Variants in EML6 observed in about 807,000 individuals in gnomAD.
EML6 encodes the protein EMAP like 6.
EML6 carries 154 observed loss-of-function variants against 240.1 expected under a neutral mutation model. The ratio of observed to expected loss-of-function variants is 0.64; its 90% CI spans 0.56 to 0.73. The LOEUF is 0.73. Ranked by LOEUF, EML6 falls within the 30% of genes least tolerant of loss-of-function variation. The pLI, the probability that EML6 is intolerant of heterozygous loss-of-function variation, is 0.00. For synonymous variants in EML6, 1,148 were observed against 899.0 expected (o/e 1.28, Z -4.95); for missense variants, 2,964 against 2,474.6 (o/e 1.20, Z -4.20).
At chr2:54,909,431 G>C (rs1328586028) in intron 24 of EML6, among the ~76,000 whole-genome samples, 1 of 152,110 alleles carries the variant, frequency 6.6e-6, no homozygotes, top group Non-Finnish European at 1.5e-5. Flanking sequence ...TCAAGTCAAG[G>C]AAAAATCCCC....
chr2:54,743,862 C>T (rs762607444), intron 2 of EML6, among the ~76,000 whole-genome samples: 17 of 152,074 alleles, frequency 1.1e-4, no homozygotes, highest in Non-Finnish European at 1.9e-4. Context: ...TCTTACTATA[C>T]TCCCCCAAAT....
chr2:54,803,247 T>G (rs967719955), intron 2 of EML6, among the ~76,000 whole-genome samples: 1 of 152,180 alleles, frequency 6.6e-6, no homozygotes, highest in African/African-American at 2.4e-5. Context: ...GAAGTGCCCT[T>G]GGAAGCAAGT....
rs1671138246 is a variant in EML6 at position 54,869,375 on chromosome 2, T to TC, written c.2238+9dup. Reference sequence around the variant, plus strand: ...TATGTGGCTACTGGGCAGGTATCTATCTCCTGTAAACTAGGGCCTAGCCAA... The same window carrying TC: ...TATGTGGCTACTGGGCAGGTATCTATCCTCCTGTAAACTAGGGCCTAGCCAA... On this transcript the variant is annotated intron_variant, in intron 15 of 41. Transcript: ENST00000356458. 2 of 1,540,904 alleles carry TC rather than the reference T, an allele frequency of 1.3e-6. No individual in the cohort carries two copies. The highest frequency in any genetic ancestry group is 4.9e-5 in the East Asian group (2 of 40,676).
At chr2:54,782,092 T>C (rs1464626450) in intron 2 of EML6, among the ~76,000 whole-genome samples, 2 of 152,244 alleles carry the variant, frequency 1.3e-5, no homozygotes, top group African/African-American at 4.8e-5. Flanking sequence ...CTGTATTGTA[T>C]TGAAACTAGG....
In EML6 at chr2:54,960,102, C is replaced by G. The variant is rs1388363582; in HGVS notation, c.4854-118C>G. 5.3e-6 allele frequency: 4 copies of G among 747,982 alleles called. No homozygotes were observed. In the East Asian group the frequency reaches 1.1e-4, roughly 20 times the overall value. The allele number at this position is 747,982 out of a possible 1,614,324, so 46.3% of individuals were successfully genotyped here. On this transcript the variant is annotated intron_variant, in intron 34 of 41. Transcript: ENST00000356458. ...AGGGTCTGGACCCTGGAGGGTCTTT[C>G]CTTCTGGGCCCCAACTGGCCAGAAC...
chr2:54,852,557 T>G (rs71413277), intron 10 of EML6, among the ~76,000 whole-genome samples: 7,324 of 152,286 alleles, frequency 0.048, 310 homozygotes, highest in East Asian at 0.23. Flanking sequence ...AATGCCCCTG[T>G]ACTGGTGGAA....
At chr2:54,745,627 T>A (rs1683878098) in intron 2 of EML6, among the ~76,000 whole-genome samples, 1 of 151,770 alleles carries the variant, frequency 6.6e-6, no homozygotes, top group Non-Finnish European at 1.5e-5. Flanking sequence ...AAAATAAAAA[T>A]AAAATTAGCC....
Position 54,853,848 on chromosome 2 carries a change from CAA to C in EML6, c.1651_1652del (p.Lys551GlufsTer6). The part of the protein sequence containing the change: ...LVKLFKFPCL[K>X]RGAKFRKYVG... ...TTAAATTGTTTAAATTTCCTTGTCT[CAA>C]GAGAGGTAAGGCCAAAAGAGATGTT... is the stretch of plus-strand genomic sequence containing the variant. On this transcript the variant is annotated frameshift_variant, in exon 11 of 42. Transcript: ENST00000356458. LOFTEE classifies it high-confidence loss of function. The C allele has an allele frequency of 6.5e-7, 1 of 1,549,886 alleles. No homozygotes were observed. Among genetic ancestry groups the C allele is most frequent in the Non-Finnish European group, 8.7e-7 (1 of 1,145,566 alleles).
intron 28 of EML6, among the ~76,000 whole-genome samples, chr2:54,939,201 T>G (rs1307987179): frequency 1.3e-5 from 2 of 152,248 alleles, no homozygotes; most frequent in African/African-American, 2.4e-5. Context: ...AGGAAATCTC[T>G]GCTTCTAAGC....
chr2:54,960,221 A>G lies in EML6; in HGVS notation c.4855A>G (p.Thr1619Ala). The G allele has an allele frequency of 6.5e-7, 1 of 1,550,090 alleles. No homozygotes were observed. The highest frequency in any genetic ancestry group is 2.4e-5 in the East Asian group (1 of 40,902). ...TGAGTCCCTTTCAATCTTTTTTAGG[A>G]CCAAAGAAGGAGGTGCTGTAAAATT... ...LIVTGGKERP[T>A]KEGGAVKLWD... The change falls in exon 35 of 42, where the codon ACC becomes GCC. Residue 1619 changes from threonine (T) to alanine (A), a missense_variant and splice_region_variant. By Grantham distance (58) the Thr-to-Ala change is moderately conservative. Transcript: ENST00000356458.
chr2:54,850,360 G>C, intron 10 of EML6, 142 bp downstream of exon 10: 2 of 662,876 alleles, frequency 3.0e-6, no homozygotes, highest in Non-Finnish European at 5.1e-6. Flanking sequence ...CCCACCTCAG[G>C]GCAAGGAATG....
intron 5 of EML6, among the ~76,000 whole-genome samples, chr2:54,823,112 AG>A (rs1668405982): frequency 3.3e-5 from 5 of 152,240 alleles, no homozygotes; most frequent in Non-Finnish European, 7.3e-5. Flanking sequence ...GAAGAAAAAC[AG>A]ACGCCACTTT....
intron 28 of EML6, among the ~76,000 whole-genome samples, chr2:54,944,225 C>T (rs934968112): frequency 1.3e-5 from 2 of 152,150 alleles, no homozygotes; most frequent in East Asian, 1.9e-4. Context: ...AGCTATCTCA[C>T]GGGTGTTCAA....
intron 16 of EML6, 36 bp downstream of exon 16, chr2:54,871,641 T>A (rs1558635252): frequency 4.3e-6 from 6 of 1,407,614 alleles, no homozygotes; most frequent in Non-Finnish European, 5.9e-6. Flanking sequence ...GGTTCTACGT[T>A]GAGAGAGAGA....
At chr2:54,942,831 T>C (rs1412971735) in intron 28 of EML6, among the ~76,000 whole-genome samples, 2 of 152,148 alleles carry the variant, frequency 1.3e-5, no homozygotes, top group African/African-American at 4.8e-5. Context: ...CACCTGATCT[T>C]CATCAAGACA....
chr2:54,960,163 G>A (rs1676430136), intron 34 of EML6, 57 bp from the exon 35 acceptor site: 2 of 1,240,022 alleles, frequency 1.6e-6, no homozygotes, highest in Middle Eastern at 1.8e-4. Context: ...GGGCCGGAGG[G>A]GGTAGTGGGT....
chr2:54,768,914 A>G (rs533255992), intron 2 of EML6, among the ~76,000 whole-genome samples: 1 of 152,180 alleles, frequency 6.6e-6, no homozygotes, highest in African/African-American at 2.4e-5. Flanking sequence ...ATAGGTTCTA[A>G]TTGAAATACT....
In EML6 at chr2:54,828,451, G is replaced by C. The variant is rs376401096; in HGVS notation, c.711+700G>C. On this transcript the variant is annotated intron_variant, in intron 6 of 41. Coordinates refer to ENST00000356458, the MANE Select transcript of EML6 (RefSeq NM_001039753.4). ...GATGTAAAAGGCAAAGCCTATCATA[G>C]TGAATGGAAATTGGGTAAAGATGTT... is the stretch of plus-strand genomic sequence containing the variant. 9.2e-5 allele frequency among the ~76,000 whole-genome samples: 14 copies of C among 152,368 alleles called. No homozygotes were observed. In the East Asian group the frequency reaches 1.9e-3, roughly 21 times the overall value.
intron 19 of EML6, among the ~76,000 whole-genome samples, chr2:54,893,684 T>G (rs1226794612): frequency 1.3e-5 from 2 of 152,232 alleles, no homozygotes; most frequent in African/African-American, 2.4e-5. Flanking sequence ...CCACTTCATC[T>G]GTGCCCTCTG....
Sources: allele counts gnomAD v4.1 joint callset (sites outside exome capture counted in the v4.1 genomes callset), GRCh38; gene constraint gnomAD v4.1.1; transcripts MANE v1.5; gene names NCBI Gene and HGNC (gene_info 2026-07-23, HGNC 2026-07-21).